Variants in CDH13 observed in about 807,000 individuals in gnomAD.
CDH13 encodes cadherin-13.
Under a neutral mutation model 63.8 loss-of-function variants are expected in CDH13, and 24 were observed. The observed-to-expected ratio is 0.38, with a 90% CI of 0.27 to 0.53. CDH13 has a LOEUF of 0.53. Among genes scored for constraint, CDH13 ranks in the 20% least tolerant of loss-of-function variants. The pLI is 0.85. For missense variants in CDH13, 1,049 were observed against 903.1 expected (o/e 1.16, Z -2.07); for synonymous variants, 503 against 355.3 (o/e 1.42, Z -4.67).
At chr16:83,202,383 G>A (rs1481109796) in intron 4 of CDH13, among the ~76,000 whole-genome samples, 2 of 152,108 alleles carry the variant, frequency 1.3e-5, no homozygotes, top group Non-Finnish European at 2.9e-5. Flanking sequence ...CTTTCCTGAG[G>A]GGACTTGAAT....
chr16:83,404,690 T>C (rs752219871), intron 6 of CDH13, among the ~76,000 whole-genome samples: 1 of 152,200 alleles, frequency 6.6e-6, no homozygotes. Flanking sequence ...TAAATCTTCC[T>C]CGGTACCCTT....
intron 5 of CDH13, among the ~76,000 whole-genome samples, chr16:83,267,543 G>T (rs1304443756): frequency 6.6e-6 from 1 of 152,158 alleles, no homozygotes; most frequent in African/African-American, 2.4e-5. Flanking sequence ...AGGTGATTAG[G>T]TCATGGGGGC....
chr16:83,323,812 T>C (rs1431453383), intron 5 of CDH13, among the ~76,000 whole-genome samples: 1 of 152,196 alleles, frequency 6.6e-6, no homozygotes, highest in South Asian at 2.1e-4. Context: ...TTGTTCCTCT[T>C]TAGTACATTC....
At chr16:83,201,149 T>C (rs573053758) in intron 4 of CDH13, among the ~76,000 whole-genome samples, 1 of 152,262 alleles carries the variant, frequency 6.6e-6, no homozygotes, top group Admixed American at 6.5e-5. Flanking sequence ...TTTCCTTTTT[T>C]CCTGACCATA....
intron 13 of CDH13, among the ~76,000 whole-genome samples, chr16:83,792,420 G>A (rs768238210): frequency 3.5e-4 from 53 of 152,386 alleles, no homozygotes; most frequent in East Asian, 1.9e-4. Context: ...GAAAACAAGA[G>A]ATTGGAGCCT....
At chr16:82,882,694 C>A (rs2040749076) in intron 2 of CDH13, among the ~76,000 whole-genome samples, 1 of 151,184 alleles carries the variant, frequency 6.6e-6, no homozygotes, top group Admixed American at 6.6e-5. Flanking sequence ...TTCTTCCTTC[C>A]TTTTAGAAAA....
chr16:82,796,288 C>T (rs2036579140), intron 1 of CDH13, among the ~76,000 whole-genome samples: 1 of 152,244 alleles, frequency 6.6e-6, no homozygotes, highest in South Asian at 2.1e-4. Flanking sequence ...TATGGGGTAC[C>T]TGGGAAACAT....
chr16:83,246,924 G>GCT (rs1905050637), intron 5 of CDH13, among the ~76,000 whole-genome samples: 1 of 152,170 alleles, frequency 6.6e-6, no homozygotes, highest in Non-Finnish European at 1.5e-5. Flanking sequence ...CTCTAATGCA[G>GCT]CTCTCTGCCT....
At chr16:82,685,482 T>C (rs1336774392) in intron 1 of CDH13, among the ~76,000 whole-genome samples, 1 of 152,168 alleles carries the variant, frequency 6.6e-6, no homozygotes, top group African/African-American at 2.4e-5. Context: ...CATATGGATG[T>C]TGGGGGGAAT....
At chr16:83,057,176 A>C (rs1457169559) in intron 3 of CDH13, among the ~76,000 whole-genome samples, 1 of 152,278 alleles carries the variant, frequency 6.6e-6, no homozygotes, top group East Asian at 1.9e-4. Flanking sequence ...CATGTTGGCC[A>C]GGATGGTCTT....
At chr16:83,384,770 C>G (rs896844965) in intron 6 of CDH13, among the ~76,000 whole-genome samples, 1 of 152,240 alleles carries the variant, frequency 6.6e-6, no homozygotes, top group African/African-American at 2.4e-5. Context: ...CTGTCTCACT[C>G]TTCAGGCATG....
intron 6 of CDH13, among the ~76,000 whole-genome samples, chr16:83,354,469 A>G (rs2091015941): frequency 6.6e-6 from 1 of 152,172 alleles, no homozygotes; most frequent in Non-Finnish European, 1.5e-5. Flanking sequence ...ACCATTTAGA[A>G]CTCTATTCTT....
intron 2 of CDH13, among the ~76,000 whole-genome samples, chr16:82,934,818 G>T (rs1003139445): frequency 6.6e-6 from 1 of 152,166 alleles, no homozygotes; most frequent in African/African-American, 2.4e-5. Flanking sequence ...CCTCATCTCT[G>T]TCTGAGATCA....
At chr16:82,820,651 G>A (rs186861238) in intron 1 of CDH13, among the ~76,000 whole-genome samples, 11 of 152,248 alleles carry the variant, frequency 7.2e-5, no homozygotes, top group South Asian at 2.1e-4. Flanking sequence ...TCAGCACTAA[G>A]GCTATAGAAA....
chr16:83,257,054 A>T (rs1292130794), intron 5 of CDH13, among the ~76,000 whole-genome samples: 3 of 150,450 alleles, frequency 2.0e-5, no homozygotes, highest in Admixed American at 6.6e-5. Flanking sequence ...ACCAGTAATG[A>T]TAAGTAATGA....
chr16:83,323,186 C>CTT (rs1474212827), intron 5 of CDH13, among the ~76,000 whole-genome samples: 1 of 98,504 alleles, frequency 1.0e-5, no homozygotes, highest in East Asian at 2.8e-4. Context: ...TTCTTTCTTT[C>CTT]TTTCTTTCTT....
At chr16:83,025,942 G>T (rs779732066) in intron 2 of CDH13, among the ~76,000 whole-genome samples, 14 of 152,174 alleles carry the variant, frequency 9.2e-5, no homozygotes, top group Non-Finnish European at 1.2e-4. Flanking sequence ...TCATAATCTT[G>T]GGAGAGAGTG....
intron 3 of CDH13, among the ~76,000 whole-genome samples, chr16:83,121,500 CATT>C (rs2035573424): frequency 6.6e-6 from 1 of 152,150 alleles, no homozygotes; most frequent in African/African-American, 2.4e-5. Flanking sequence ...CTTGCTGTAT[CATT>C]ATTATAGTAG....
intron 5 of CDH13, among the ~76,000 whole-genome samples, chr16:83,264,740 C>T (rs1907404299): frequency 6.6e-6 from 1 of 151,462 alleles, no homozygotes; most frequent in Admixed American, 6.6e-5. Context: ...CTCTAAACTC[C>T]TTTGGCTGGT....
Sources: gnomAD v4.1 joint callset for allele counts (sites outside exome capture counted in the v4.1 genomes callset) on GRCh38, gnomAD v4.1.1 for gene constraint, MANE v1.5 for transcripts, NCBI Gene and HGNC (gene_info 2026-07-23, HGNC 2026-07-21) for gene names.